Variants in COA1 observed in about 807,000 individuals in gnomAD.
COA1 encodes the protein cytochrome c oxidase assembly factor 1.
Under a neutral mutation model 16.0 loss-of-function variants are expected in COA1, and 13 were observed. The ratio of observed to expected loss-of-function variants is 0.81; its 90% confidence interval spans 0.53 to 1.29. The LOEUF (loss-of-function observed/expected upper bound fraction) is 1.29, where lower values mean the gene tolerates loss of function less well. Among genes scored for constraint, COA1 ranks in the 50% most tolerant of loss-of-function variants. COA1 has a pLI of 0.00. For missense variants in COA1, 179 were observed against 177.0 expected, an observed-to-expected ratio of 1.01 and a Z score of -0.06; for synonymous variants, 65 against 65.7, an observed-to-expected ratio of 0.99 and a Z score of 0.05.
At chr7:43,712,074 T>G (rs1054480143) in intron 1 of COA1, among the ~76,000 whole-genome samples, 4 of 152,120 alleles carry the variant, frequency 2.6e-5, no homozygotes, top group African/African-American at 4.8e-5. Flanking sequence ...CCCTTGCTTT[T>G]CTTTTCTTCT....
chr7:43,680,283 CA>C (rs552891478), intron 1 of COA1, among the ~76,000 whole-genome samples: 1,544 of 73,046 alleles, frequency 0.021, 8 homozygotes, highest in Admixed American at 0.031. Flanking sequence ...GACAGGGAGA[CA>C]AAAAAAAAAA....
At position 43,680,892 on chromosome 7, in the gene COA1, G is replaced by C. The variant is rs569281519; in HGVS notation, c.-38-32240C>G. On this transcript the variant is annotated intron_variant, in intron 1 of 5. Transcript: ENST00000223336. ...AGGCTGAGATGGGAAGATGGTTTAAGCCCAGGAAGCAGAGGTTGCAGTGAG... is the reference window on the plus strand; with the variant it reads ...AGGCTGAGATGGGAAGATGGTTTAACCCCAGGAAGCAGAGGTTGCAGTGAG... Among the ~76,000 whole-genome samples, 19 of 152,278 alleles carry C rather than the reference G, an allele frequency of 1.2e-4. No homozygotes were observed. In the South Asian group the frequency reaches 3.1e-3, roughly 25 times the overall value.
At chr7:43,648,453 A>G in intron 2 of COA1, 147 bp downstream of exon 2, 1 of 845,898 alleles carries the variant, frequency 1.2e-6, no homozygotes, top group Non-Finnish European at 2.1e-6. Flanking sequence ...GAAAATGCCC[A>G]TCCCTCCTGT....
intron 2 of COA1, chr7:43,648,132 G>A (rs1162781303): frequency 4.9e-6 from 1 of 203,134 alleles, no homozygotes. Context: ...TATGACTCAG[G>A]CTGAATGAAC....
intron 6 of COA1, among the ~76,000 whole-genome samples, chr7:43,613,854 TATTAAAAC>T (rs1358447446): frequency 6.6e-6 from 1 of 152,146 alleles, no homozygotes; most frequent in African/African-American, 2.4e-5. Context: ...AAAACTTTTT[TATTAAAAC>T]ATTAATTTCT....
At chr7:43,617,812 G>C (rs1304904759) in intron 6 of COA1, among the ~76,000 whole-genome samples, 1 of 152,178 alleles carries the variant, frequency 6.6e-6, no homozygotes, top group African/African-American at 2.4e-5. Context: ...ATCAAGCCTT[G>C]AGAAACCCAG....
intron 1 of COA1, among the ~76,000 whole-genome samples, chr7:43,706,375 A>T (rs146208375): frequency 0.014 from 2,170 of 151,874 alleles, 23 homozygotes; most frequent in Middle Eastern, 0.031. Flanking sequence ...TCTCTACAAA[A>T]AAATAAATAA....
intron 1 of COA1, among the ~76,000 whole-genome samples, chr7:43,662,588 T>C (rs1026149201): frequency 2.0e-5 from 3 of 152,258 alleles, no homozygotes; most frequent in African/African-American, 7.2e-5. Context: ...CAGAAGCAGG[T>C]ACATCTGTCT....
intron 1 of COA1, among the ~76,000 whole-genome samples, chr7:43,714,944 T>C (rs1481776163): frequency 6.9e-6 from 1 of 144,828 alleles, no homozygotes; most frequent in East Asian, 2.0e-4. Flanking sequence ...GAGGTAGCAG[T>C]TGCAGTAAGC....
At chr7:43,708,464 A>T (rs1013474273) in intron 1 of COA1, among the ~76,000 whole-genome samples, 2 of 152,132 alleles carry the variant, frequency 1.3e-5, no homozygotes, top group African/African-American at 4.8e-5. Flanking sequence ...TTTTCTAAAA[A>T]AAAAAAAAAA....
chr7:43,691,477 G>GAAAGAA (rs1170433873), intron 1 of COA1, among the ~76,000 whole-genome samples: 41 of 131,606 alleles, frequency 3.1e-4, no homozygotes, highest in African/African-American at 1.2e-3. Context: ...AAGAAAGAAA[G>GAAAGAA]AAATTATCAT....
intron 1 of COA1, among the ~76,000 whole-genome samples, chr7:43,695,035 T>C (rs2094486190): frequency 6.6e-6 from 1 of 152,220 alleles, no homozygotes. Context: ...TTTCAAAATA[T>C]ATCTAGATCT....
intron 3 of COA1, chr7:43,646,517 G>A (rs2089339792): frequency 1.1e-5 from 5 of 455,634 alleles, no homozygotes; most frequent in Non-Finnish European, 1.8e-5. Context: ...AGCTGGAGCC[G>A]AGATTCAACC....
At chr7:43,648,467 GTTAA>G in intron 2 of COA1, 129 bp downstream of exon 2, 1 of 941,074 alleles carries the variant, frequency 1.1e-6, no homozygotes, top group Non-Finnish European at 1.8e-6. Context: ...CTCCTGTGAA[GTTAA>G]AGCACAAGTG....
At chr7:43,691,422 A>AGG (rs1387612637) in intron 1 of COA1, among the ~76,000 whole-genome samples, 308 of 19,562 alleles carry the variant, frequency 0.016, 4 homozygotes, top group East Asian at 0.026. Flanking sequence ...GAAGAAAGAA[A>AGG]AAGAAAGAAA....
At chr7:43,619,352 G>T (rs1250162162) in intron 6 of COA1, among the ~76,000 whole-genome samples, 1 of 152,160 alleles carries the variant, frequency 6.6e-6, no homozygotes, top group African/African-American at 2.4e-5. Flanking sequence ...ATAAGGTAGG[G>T]ATAGAAACAT....
chr7:43,623,492 T>A, intron 6 of COA1: 1 of 1,193,932 alleles, frequency 8.4e-7, no homozygotes, highest in Non-Finnish European at 1.2e-6. Flanking sequence ...TAGTTTCTAA[T>A]GCTTAGTTTT....
chr7:43,677,854 T>A (rs1204561551), intron 1 of COA1, among the ~76,000 whole-genome samples: 2 of 151,046 alleles, frequency 1.3e-5, no homozygotes, highest in South Asian at 4.2e-4. Flanking sequence ...ACAAGTCTTT[T>A]AATACTTAAA....
At position 43,706,617 on chromosome 7, in the gene COA1, C is replaced by G. The variant is rs182167739; in HGVS notation, c.-39+22812G>C. On this transcript the variant is annotated intron_variant, in intron 1 of 5. Coordinates refer to ENST00000223336, the MANE Select transcript of COA1 (RefSeq NM_018224.4). ...GGTGCAGTGGCTCACACCTATAATC[C>G]CAGAACTTTAGGAGGGCAAGGTCAG... Among the ~76,000 whole-genome samples the G allele has an allele frequency of 9.2e-5, 14 of 151,788 alleles. No individual in the cohort carries two copies. In the East Asian group the frequency reaches 2.5e-3, roughly 27 times the overall value.
Sources: allele counts gnomAD v4.1 joint callset (sites outside exome capture counted in the v4.1 genomes callset), GRCh38; gene constraint gnomAD v4.1.1; transcripts MANE v1.5; gene names NCBI Gene and HGNC (gene_info 2026-07-23, HGNC 2026-07-21).